Variants in ADGRL3 observed in about 807,000 individuals in gnomAD.
ADGRL3 encodes the protein calcium-independent alpha-latrotoxin receptor 3.
ADGRL3 carries 62 observed loss-of-function variants against 153.5 expected under a neutral mutation model. That is an observed-to-expected ratio of 0.40 (90% CI 0.33 to 0.50). The LOEUF is 0.50. Among genes scored for constraint, ADGRL3 ranks in the 20% least tolerant of loss-of-function variants. The pLI, the probability that ADGRL3 is intolerant of heterozygous loss-of-function variation, is 0.47. For missense variants in ADGRL3, 1,641 were observed against 1,859.4 expected, an observed-to-expected ratio of 0.88 and a Z score of 2.16; for synonymous variants, 710 against 672.5, an observed-to-expected ratio of 1.06 and a Z score of -0.86.
intron 17 of ADGRL3, among the ~76,000 whole-genome samples, chr4:61,964,178 C>T (rs2098998016): frequency 6.6e-6 from 1 of 152,186 alleles, no homozygotes; most frequent in African/African-American, 2.4e-5. Context: ...ATCATCTGAA[C>T]TTCTTGTTCC....
At chr4:61,358,798 A>G (rs534577540) in intron 1 of ADGRL3, among the ~76,000 whole-genome samples, 2 of 152,052 alleles carry the variant, frequency 1.3e-5, no homozygotes, top group East Asian at 1.9e-4. Context: ...TGTGTTTTCT[A>G]TATTCACTTC....
intron 2 of ADGRL3, among the ~76,000 whole-genome samples, chr4:61,474,646 T>C (rs567667920): frequency 7.2e-5 from 11 of 152,224 alleles, no homozygotes; most frequent in African/African-American, 2.6e-4. Context: ...ATGAGAAATG[T>C]CTTCATTGTG....
intron 15 of ADGRL3, 130 bp downstream of exon 15, chr4:61,936,175 C>T (rs2098837501): frequency 3.1e-6 from 3 of 961,276 alleles, no homozygotes; most frequent in South Asian, 3.0e-5. Context: ...TATTCTCTTT[C>T]TCCTCCTCTT....
In ADGRL3 at chr4:61,817,714, C is replaced by T. The variant is rs192923419; in HGVS notation, c.1480+3825C>T. On this transcript the variant is annotated intron_variant, in intron 9 of 26. Transcript: ENST00000683033. ...ATGGACTCACACTTCCACATGGCTGCGGAGGGCTCACAATCATGGTAGAAG... is the reference window on the plus strand; with the variant it reads ...ATGGACTCACACTTCCACATGGCTGTGGAGGGCTCACAATCATGGTAGAAG... 4.9e-3 allele frequency among the ~76,000 whole-genome samples: 745 copies of T among 152,184 alleles called. 4 individuals carry two copies. The highest frequency in any genetic ancestry group is 0.014 in the South Asian group (67 of 4,824).
chr4:61,456,438 TAG>T (rs2097752750), intron 2 of ADGRL3, among the ~76,000 whole-genome samples: 1 of 122,866 alleles, frequency 8.1e-6, no homozygotes, highest in South Asian at 2.6e-4. Context: ...TCTATATATA[TAG>T]ATATATCTAT....
intron 6 of ADGRL3, among the ~76,000 whole-genome samples, chr4:61,681,124 C>T (rs1038743753): frequency 2.0e-5 from 3 of 152,120 alleles, no homozygotes; most frequent in African/African-American, 7.2e-5. Context: ...TCTCACCCTA[C>T]CTCCTTCCCT....
Position 61,733,238 on chromosome 4 carries a change from C to T in ADGRL3, c.1083C>T (p.Tyr361=). ...GKIVISQLNP[Y]TLRIEGTWDT... is the part of the protein sequence containing the mutation. ...TTGTCATTAGTCAATTGAACCCTTA[C>T]ACCCTACGGATCGAAGGAACATGGG... is the stretch of plus-strand genomic sequence containing the variant. The change falls in exon 8 of 27, where the codon TAC becomes TAT. Residue 361 remains tyrosine, a synonymous_variant. Coordinates refer to ENST00000683033, the MANE Select transcript of ADGRL3 (RefSeq NM_001387552.1). 6.2e-7 allele frequency: 1 copy of T among 1,613,682 alleles called. No homozygotes were observed. Among genetic ancestry groups the T allele is most frequent in the Non-Finnish European group, 8.5e-7 (1 of 1,179,796 alleles).
intron 2 of ADGRL3, chr4:61,426,739 G>C (rs1463634769): frequency 1.3e-5 from 2 of 152,276 alleles, no homozygotes; most frequent in South Asian, 2.1e-4. Context: ...AGTAGTCTTT[G>C]AGCTGGAGCA....
At chr4:61,758,188 G>A (rs2096862048) in intron 8 of ADGRL3, among the ~76,000 whole-genome samples, 1 of 152,008 alleles carries the variant, frequency 6.6e-6, no homozygotes, top group Admixed American at 6.6e-5. Context: ...TTCAATTCCT[G>A]GATATCCCTG....
At chr4:61,559,597 G>A (rs530112409) in intron 4 of ADGRL3, among the ~76,000 whole-genome samples, 2 of 152,112 alleles carry the variant, frequency 1.3e-5, no homozygotes, top group East Asian at 3.9e-4. Context: ...TTCATGCTTT[G>A]TAATATTTTG....
At chr4:61,404,468 C>T (rs1164855572) in intron 2 of ADGRL3, among the ~76,000 whole-genome samples, 4 of 151,890 alleles carry the variant, frequency 2.6e-5, no homozygotes, top group Admixed American at 6.6e-5. Flanking sequence ...GGAATAAATC[C>T]ATGGGCTATA....
At chr4:61,317,335 A>T (rs1157790869) in intron 1 of ADGRL3, among the ~76,000 whole-genome samples, 1 of 152,174 alleles carries the variant, frequency 6.6e-6, no homozygotes, top group African/African-American at 2.4e-5. Flanking sequence ...TCTACAGCAG[A>T]TTTTTTGTGG....
At chr4:61,805,038 C>T (rs2097539510) in intron 8 of ADGRL3, among the ~76,000 whole-genome samples, 1 of 151,546 alleles carries the variant, frequency 6.6e-6, no homozygotes, top group Non-Finnish European at 1.5e-5. Flanking sequence ...TCACTGCAAC[C>T]TCCACCTCCC....
chr4:61,490,999 C>A (rs2098251943), intron 2 of ADGRL3, among the ~76,000 whole-genome samples: 1 of 152,100 alleles, frequency 6.6e-6, no homozygotes, highest in African/African-American at 2.4e-5. Flanking sequence ...CTTTAAAACT[C>A]ATTTTGCTTT....
At chr4:61,499,494 A>AT (rs1406670562) in intron 3 of ADGRL3, among the ~76,000 whole-genome samples, 5 of 152,198 alleles carry the variant, frequency 3.3e-5, no homozygotes, top group Admixed American at 6.5e-5. Flanking sequence ...CTTAAATTAG[A>AT]TTTTTTATGT....
At chr4:61,819,448 C>T (rs1641924172) in intron 9 of ADGRL3, among the ~76,000 whole-genome samples, 1 of 151,930 alleles carries the variant, frequency 6.6e-6, no homozygotes, top group African/African-American at 2.4e-5. Flanking sequence ...TAGGTTTTCC[C>T]CTTACTCCAT....
chr4:62,028,790 A>G, intron 21 of ADGRL3, 65 bp from the exon 22 acceptor site: 2 of 1,369,306 alleles, frequency 1.5e-6, no homozygotes, highest in Non-Finnish European at 2.0e-6. Flanking sequence ...TATTTTTCAT[A>G]TGAAATTCTT....
chr4:61,887,779 A>G (rs2098547932), intron 9 of ADGRL3, among the ~76,000 whole-genome samples: 1 of 152,228 alleles, frequency 6.6e-6, no homozygotes, highest in African/African-American at 2.4e-5. Flanking sequence ...CAGGAGGTGG[A>G]CGTTGCAGTG....
intron 19 of ADGRL3, among the ~76,000 whole-genome samples, chr4:61,991,935 G>T (rs1460317956): frequency 6.8e-6 from 1 of 147,412 alleles, no homozygotes; most frequent in African/African-American, 2.5e-5. Context: ...AATATTACAT[G>T]ATATATATAA....
Sources: gnomAD v4.1 joint callset for allele counts (sites outside exome capture counted in the v4.1 genomes callset) on GRCh38, gnomAD v4.1.1 for gene constraint, MANE v1.5 for transcripts, NCBI Gene and HGNC (gene_info 2026-07-23, HGNC 2026-07-21) for gene names.